The following FCSK variants were observed in gnomAD, a reference collection of about 807,000 sequenced individuals.
FCSK encodes the protein fucose kinase.
A neutral mutation model predicts 122.5 loss-of-function variants in FCSK; 123 were observed. That is an observed-to-expected ratio of 1.00 (90% CI 0.87 to 1.17). The LOEUF is 1.17. Among genes scored for constraint, FCSK ranks in the 50% most tolerant of loss-of-function variants. The pLI is 0.00. For synonymous variants in FCSK, 620 were observed against 625.5 expected (o/e 0.99, Z 0.13); for missense variants, 1,366 against 1,450.4 (o/e 0.94, Z 0.95).
chr16:70,467,057 C>T (rs766264365), intron 6 of FCSK, 103 bp downstream of exon 6: 2 of 1,084,696 alleles, frequency 1.8e-6, no homozygotes, highest in South Asian at 1.3e-5. Context: ...GCCCCGCTGC[C>T]CTATTAGACG....
rs548086607 is a variant in FCSK, at chr16:70,470,718, G to A, written c.1069-253G>A. 1.2e-4 allele frequency among the ~76,000 whole-genome samples: 19 copies of A among 152,290 alleles called. No homozygotes were observed. The East Asian group carries it at 2.7e-3, about 22-fold the overall frequency. On this transcript the variant is annotated intron_variant, in intron 11 of 23. Coordinates refer to ENST00000288078, the MANE Select transcript of FCSK (RefSeq NM_145059.3). ...ACAGTGGTGGGCCTGGGTCAGTGCC[G>A]TGCTGCTGAGGAAGGGGACAGGTAG...
intron 22 of FCSK, 179 bp downstream of exon 22, chr16:70,478,829 G>A (rs2048903816): frequency 2.8e-6 from 2 of 712,486 alleles, no homozygotes; most frequent in Non-Finnish European, 5.1e-6. Context: ...TACATCTGAG[G>A]ACAAAATTTT....
intron 1 of FCSK, among the ~76,000 whole-genome samples, chr16:70,460,357 C>T (rs990909037): frequency 4.2e-4 from 64 of 150,860 alleles, no homozygotes; most frequent in Admixed American, 2.8e-3. Flanking sequence ...GTGATCCACC[C>T]TCCTCGGCCT....
Position 70,478,269 on chromosome 16 carries a change from C to T in FCSK, c.2642-3C>T, listed in dbSNP as rs1419440401. 1.9e-6 allele frequency: 3 copies of T among 1,613,628 alleles called. No individual in the cohort carries two copies. Among genetic ancestry groups the T allele is most frequent in the South Asian group, 1.1e-5 (1 of 91,036 alleles). On this transcript the variant is annotated splice_polypyrimidine_tract_variant and splice_region_variant and intron_variant, in intron 20 of 23. Transcript: ENST00000288078. ...CCAACAGTGACAGTCCCTGGGCTCA[C>T]AGGAGGTGGCTGGCAGGACCAAGTA...
chr16:70,469,389 C>G (rs995880806), intron 10 of FCSK, 66 bp downstream of exon 10: 1 of 1,450,798 alleles, frequency 6.9e-7, no homozygotes, highest in Non-Finnish European at 9.3e-7. Flanking sequence ...AAGAATGGAG[C>G]TGCTCACTGC....
At chr16:70,462,254 C>A in intron 1 of FCSK, 1 of 152,218 alleles carries the variant, frequency 6.6e-6, no homozygotes, top group South Asian at 2.0e-4. Context: ...CTCAAGCAGT[C>A]CTCCCACCTT....
chr16:70,463,552 A>G, intron 2 of FCSK, 71 bp from the exon 3 acceptor site: 1 of 1,573,924 alleles, frequency 6.4e-7, no homozygotes, highest in Non-Finnish European at 8.7e-7. Context: ...GATGATCAGT[A>G]GGCTTGCTTA....
chr16:70,471,422 C>A, intron 13 of FCSK, 70 bp downstream of exon 13: 14 of 1,446,660 alleles, frequency 9.7e-6, no homozygotes, highest in Admixed American at 2.2e-5. Flanking sequence ...TCCTGGCCCC[C>A]ACCCCACTGC....
intron 1 of FCSK, among the ~76,000 whole-genome samples, chr16:70,457,515 G>A (rs921171769): frequency 5.3e-5 from 8 of 152,034 alleles, no homozygotes; most frequent in Non-Finnish European, 1.0e-4. Flanking sequence ...TTGGCCTCCC[G>A]AAGTGCTGGG....
chr16:70,459,784 C>T (rs1311178530), intron 1 of FCSK, among the ~76,000 whole-genome samples: 1 of 150,360 alleles, frequency 6.7e-6, no homozygotes, highest in Non-Finnish European at 1.5e-5. Flanking sequence ...CATGAGCCAC[C>T]ACACCCAGCA....
In FCSK at chr16:70,475,677, C is replaced by G; in HGVS notation, c.2551C>G (p.Leu851Val). The G allele has an allele frequency of 6.2e-7, 1 of 1,603,404 alleles. No individual in the cohort carries two copies. Among genetic ancestry groups the G allele is most frequent in the East Asian group, 2.2e-5 (1 of 44,522 alleles). The change falls in exon 20 of 24, where the codon CTG becomes GTG. Residue 851 changes from leucine (L) to valine (V), a missense_variant. Coordinates refer to ENST00000288078, the MANE Select transcript of FCSK (RefSeq NM_145059.3). The stretch of plus-strand genomic sequence containing the variant: ...CAGCAGCATCCTGGCAGGCACTGCC[C>G]TGGCTGCCTTGCAGCGAGCCGCAGG... ...GTSSILAGTA[L>V]AALQRAAGRV...
chr16:70,460,554 G>GCCCA (rs569464638), intron 1 of FCSK, among the ~76,000 whole-genome samples: 57 of 151,880 alleles, frequency 3.8e-4, no homozygotes, highest in African/African-American at 1.3e-3. Context: ...ACAGGCACGT[G>GCCCA]CCACCACATC....
intron 3 of FCSK, 47 bp from the exon 4 acceptor site, chr16:70,465,079 G>A (rs2048375734): frequency 6.2e-7 from 1 of 1,609,588 alleles, no homozygotes; most frequent in Non-Finnish European, 8.5e-7. Context: ...CATCCTCCAG[G>A]GCGTCTGCCT....
chr16:70,477,260 GCAA>G (rs2048846833), intron 20 of FCSK: 1 of 152,164 alleles, frequency 6.6e-6, no homozygotes, highest in African/African-American at 2.4e-5. Context: ...TCAGCCCACT[GCAA>G]CCTCTACCTC....
rs772191361 is a variant in FCSK at position 70,466,242 on chromosome 16, C to T, written c.396C>T (p.Asp132=). The T allele has an allele frequency of 4.3e-6, 7 of 1,614,026 alleles. No homozygotes were observed. In the South Asian group the frequency reaches 7.7e-5, roughly 18 times the overall value. ...ALVCNLDCLL[D]IMTYRLGPGS... is the part of the protein sequence containing the mutation. ...TCTGCAACCTGGACTGCCTGCTGGA[C>T]ATCATGACCTATCGGGTGAGGCTGG... Residue 132 remains aspartate, a synonymous_variant, in exon 5 of 24, where the codon GAC becomes GAT. Coordinates refer to ENST00000288078, the MANE Select transcript of FCSK (RefSeq NM_145059.3).
intron 8 of FCSK, 46 bp downstream of exon 8, chr16:70,468,012 G>T: frequency 7.0e-7 from 1 of 1,426,208 alleles, no homozygotes; most frequent in South Asian, 1.1e-5. Flanking sequence ...GACCTTATGG[G>T]ACAGGGAGGG....
intron 9 of FCSK, 39 bp downstream of exon 9, chr16:70,469,007 G>A: frequency 1.2e-6 from 2 of 1,610,182 alleles, no homozygotes; most frequent in Non-Finnish European, 1.7e-6. Flanking sequence ...CCTGGCTTGG[G>A]GGCGAGGCAC....
At chr16:70,474,761 C>T (rs995999116) in intron 17 of FCSK, 29 bp from the exon 18 acceptor site, 2 of 1,555,920 alleles carry the variant, frequency 1.3e-6, no homozygotes, top group African/African-American at 1.4e-5. Flanking sequence ...GCTTCTGTGA[C>T]CAGCTTGAGT....
In FCSK at chr16:70,478,415, T is replaced by G; in HGVS notation, c.2785T>G (p.Leu929Val). The change falls in exon 21 of 24, where the codon TTG (leucine) becomes GTG (valine). Residue 929 changes from leucine to valine, a missense_variant. Physicochemically the swap from Leu to Val is conservative, Grantham distance 32. Transcript: ENST00000288078. ...FVQKLNDHLL[L>V]VYTGKTRLAR... ...CCAGAAGCTCAATGACCACCTGCTCTTGGTGTACACTGGCAAGACCCGCCT... is the reference window on the plus strand; with the variant it reads ...CCAGAAGCTCAATGACCACCTGCTCGTGGTGTACACTGGCAAGACCCGCCT... The G allele has an allele frequency of 6.2e-7, 1 of 1,614,168 alleles. No homozygotes were observed. The highest frequency in any genetic ancestry group is 8.5e-7 in the Non-Finnish European group (1 of 1,180,040).
Sources: gnomAD v4.1 joint callset for allele counts (sites outside exome capture counted in the v4.1 genomes callset) on GRCh38, gnomAD v4.1.1 for gene constraint, MANE v1.5 for transcripts, NCBI Gene and HGNC (gene_info 2026-07-23, HGNC 2026-07-21) for gene names.